The following CEP85L variants were observed in gnomAD, a reference collection of about 807,000 sequenced individuals.
The protein encoded by CEP85L is centrosomal protein 85L, also known as centrosomal protein of 85 kDa-like.
A neutral mutation model predicts 100.3 loss-of-function variants in CEP85L; 60 were observed. The ratio of observed to expected loss-of-function variants is 0.60; its 90% CI spans 0.49 to 0.74. The LOEUF (loss-of-function observed/expected upper bound fraction) is 0.74. CEP85L is among the 30% of genes least tolerant of loss of function. CEP85L has a pLI of 0.00. For missense variants in CEP85L, 973 were observed against 936.2 expected, an observed-to-expected ratio of 1.04 and a Z score of -0.51; for synonymous variants, 319 against 322.7, an observed-to-expected ratio of 0.99 and a Z score of 0.12.
In CEP85L at chr6:118,483,755, T is replaced by C. The variant is rs1418766917; in HGVS notation, c.1541A>G (p.Tyr514Cys). The change falls in exon 7 of 13, where the codon TAT becomes TGT. Residue 514 changes from tyrosine (Y) to cysteine (C), a missense_variant. Physicochemically the swap from Tyr to Cys is radical, Grantham distance 194. Around this residue, in one of 3 missense-constraint regions of CEP85L, gnomAD observed 890 missense variants for 844.5 expected, o/e 1.05. Transcript: ENST00000368491. ...ATCTAGAGTTGGAAGATCAGCCAGA[T>C]ACTTTTCCAAGGTCTCAATTCTTCT... ...KQRRIETLEKYLADLPTLDDV... is the reference protein window; with the variant it reads ...KQRRIETLEKCLADLPTLDDV... 1.2e-6 allele frequency: 2 copies of C among 1,613,936 alleles called. No individual in the cohort carries two copies. The highest frequency in any genetic ancestry group is 2.2e-5 in the East Asian group (1 of 44,852).
chr6:118,709,532 C>CGTGTGTGTGTGTGT (rs1209782027), intron 1 of CEP85L, among the ~76,000 whole-genome samples: 8,329 of 86,832 alleles, frequency 0.096, 457 homozygotes, highest in African/African-American at 0.11. Context: ...CAACAATTGG[C>CGTGTGTGTGTGTGT]GTGTGTGTGT....
At chr6:118,609,102 G>A (rs182030965) in intron 2 of CEP85L, among the ~76,000 whole-genome samples, 220 of 152,204 alleles carry the variant, frequency 1.4e-3, no homozygotes, top group African/African-American at 4.8e-3. Context: ...GATGTTTTTA[G>A]GAAAAGAAAG....
intron 2 of CEP85L, among the ~76,000 whole-genome samples, chr6:118,611,950 A>T (rs1472737675): frequency 6.6e-6 from 1 of 152,218 alleles, no homozygotes; most frequent in South Asian, 2.1e-4. Context: ...ACTAGACAGA[A>T]AATCATCAAG....
chr6:118,596,502 T>A (rs888437282), intron 2 of CEP85L, among the ~76,000 whole-genome samples: 1 of 152,036 alleles, frequency 6.6e-6, no homozygotes, highest in African/African-American at 2.4e-5. Context: ...AAATTAAAAA[T>A]CATGAAAACT....
At chr6:118,512,077 G>C (rs1358764993) in intron 4 of CEP85L, among the ~76,000 whole-genome samples, 1 of 151,940 alleles carries the variant, frequency 6.6e-6, no homozygotes, top group Non-Finnish European at 1.5e-5. Context: ...AGGAAGTGAA[G>C]ACTCTCAAGG....
At chr6:118,609,468 C>G (rs1446610800) in intron 2 of CEP85L, among the ~76,000 whole-genome samples, 1 of 152,120 alleles carries the variant, frequency 6.6e-6, no homozygotes, top group African/African-American at 2.4e-5. Flanking sequence ...ACATTAAGGA[C>G]AAGTTTGACA....
chr6:118,605,738 C>A (rs979072179), intron 2 of CEP85L, among the ~76,000 whole-genome samples: 4 of 152,132 alleles, frequency 2.6e-5, no homozygotes, highest in African/African-American at 9.7e-5. Flanking sequence ...GACAGCTGGG[C>A]ACCATGGCTC....
chr6:118,606,663 G>A (rs1583156222), intron 2 of CEP85L, among the ~76,000 whole-genome samples: 1 of 152,322 alleles, frequency 6.6e-6, no homozygotes, highest in Non-Finnish European at 1.5e-5. Flanking sequence ...ACTTCATCCA[G>A]TATTTGTGTT....
intron 1 of CEP85L, among the ~76,000 whole-genome samples, chr6:118,707,886 C>T (rs2114390965): frequency 7.4e-6 from 1 of 135,546 alleles, no homozygotes; most frequent in African/African-American, 2.8e-5. Context: ...TGCAATATCA[C>T]TTTATAGCTA....
At chr6:118,643,889 C>T (rs1219988329) in intron 1 of CEP85L, among the ~76,000 whole-genome samples, 1 of 152,152 alleles carries the variant, frequency 6.6e-6, no homozygotes, top group African/African-American at 2.4e-5. Context: ...CAAGACTTGG[C>T]CACTGTTCAG....
In CEP85L at chr6:118,637,215, G is replaced by T. The variant is rs1458676069; in HGVS notation, c.74-4604C>A. Reference sequence around the variant, plus strand: ...ATGGTCTAAGACATGCTATCATTCCGCCCCTCTAGAAACCCTAAATTCTAT... The same window carrying T: ...ATGGTCTAAGACATGCTATCATTCCTCCCCTCTAGAAACCCTAAATTCTAT... On this transcript the variant is annotated intron_variant, in intron 1 of 12. Coordinates refer to ENST00000368491, the MANE Select transcript of CEP85L (RefSeq NM_001042475.3). Among the ~76,000 whole-genome samples, 3 of 152,132 alleles carry T rather than the reference G, an allele frequency of 2.0e-5. No individual in the cohort carries two copies. In the South Asian group the frequency reaches 6.2e-4, roughly 32 times the overall value.
At chr6:118,667,756 G>C (rs1364191505) in intron 1 of CEP85L, among the ~76,000 whole-genome samples, 1 of 151,560 alleles carries the variant, frequency 6.6e-6, no homozygotes, top group Non-Finnish European at 1.5e-5. Context: ...ATTACTCCCA[G>C]CCCAGTCCAA....
At chr6:118,481,470 G>A (rs1773778360) in intron 8 of CEP85L, among the ~76,000 whole-genome samples, 1 of 152,048 alleles carries the variant, frequency 6.6e-6, no homozygotes, top group Admixed American at 6.6e-5. Context: ...TCTGAAATGT[G>A]TCAAAATCCA....
intron 1 of CEP85L, among the ~76,000 whole-genome samples, chr6:118,658,292 C>A (rs1014238798): frequency 6.6e-6 from 1 of 152,152 alleles, no homozygotes; most frequent in Non-Finnish European, 1.5e-5. Flanking sequence ...TATTATTCAT[C>A]TGGCAATTAT....
chr6:118,537,400 A>G (rs1777656169), intron 3 of CEP85L: 2 of 440,614 alleles, frequency 4.5e-6, no homozygotes, highest in Non-Finnish European at 6.0e-6. Flanking sequence ...CTCAGGGAGC[A>G]CTGGGAAGGC....
intron 2 of CEP85L, among the ~76,000 whole-genome samples, chr6:118,575,075 C>T (rs550139682): frequency 2.0e-5 from 3 of 152,006 alleles, no homozygotes; most frequent in African/African-American, 7.2e-5. Flanking sequence ...CGAGTTGAGC[C>T]GTAGAGAAAG....
chr6:118,570,974 T>C (rs1779852377), intron 2 of CEP85L, among the ~76,000 whole-genome samples: 1 of 151,944 alleles, frequency 6.6e-6, no homozygotes, highest in Admixed American at 6.6e-5. Flanking sequence ...TTTGAAAGAA[T>C]TAAATATTTA....
At chr6:118,542,355 C>T (rs926261965) in intron 3 of CEP85L, among the ~76,000 whole-genome samples, 2 of 151,848 alleles carry the variant, frequency 1.3e-5, no homozygotes, top group Non-Finnish European at 2.9e-5. Flanking sequence ...CATTCCTTAC[C>T]TAATAGAGTG....
At position 118,464,320 on chromosome 6, in the gene CEP85L, T is replaced by A. The variant is rs759311235; in HGVS notation, c.*1085A>T. 1 of 152,168 alleles carries A rather than the reference T, an allele frequency of 6.6e-6. No individual in the cohort carries two copies. Among genetic ancestry groups the A allele is most frequent in the African/African-American group, 2.4e-5 (1 of 41,470 alleles). The allele number at this position is 152,168 out of a possible 1,614,324, so 9.4% of individuals were successfully genotyped here. The stretch of plus-strand genomic sequence containing the variant: ...AAGAACTAATTTCGCCAAGTTCATA[T>A]CCTGTGAAAAACTGTTGTTAATGTA... On this transcript the variant is annotated 3_prime_UTR_variant, in exon 13 of 13. Transcript: ENST00000368491.
Sources: allele counts gnomAD v4.1 joint callset (sites outside exome capture counted in the v4.1 genomes callset), GRCh38; gene constraint gnomAD v4.1.1; regional missense constraint gnomAD v4.1.1; transcripts MANE v1.5; gene names NCBI Gene and HGNC (gene_info 2026-07-23, HGNC 2026-07-21).